The following FCHO2 variants were observed in gnomAD, a reference collection of about 807,000 sequenced individuals.
FCHO2 encodes F-BAR domain only protein 2.
A neutral mutation model predicts 114.1 loss-of-function variants in FCHO2; 43 were observed. The observed-to-expected ratio is 0.38, with a 90% confidence interval of 0.30 to 0.49. FCHO2 has a LOEUF of 0.49. Ranked by LOEUF, FCHO2 falls within the 20% of genes least tolerant of loss-of-function variation. The pLI is 0.97. For missense variants in FCHO2, 807 were observed against 950.4 expected (o/e 0.85, Z 1.98); for synonymous variants, 293 against 315.2 (o/e 0.93, Z 0.75).
At chr5:72,976,269 A>G (rs1279238782) in intron 2 of FCHO2, among the ~76,000 whole-genome samples, 1 of 152,082 alleles carries the variant, frequency 6.6e-6, no homozygotes, top group Admixed American at 6.6e-5. Flanking sequence ...TGTAGAGGCA[A>G]GGTCTTGCTA....
intron 6 of FCHO2, among the ~76,000 whole-genome samples, chr5:73,013,269 T>G (rs969052952): frequency 1.3e-5 from 2 of 152,192 alleles, no homozygotes; most frequent in Non-Finnish European, 2.9e-5. Flanking sequence ...GGATTTTTTT[T>G]TTTTTAGAGG....
intron 19 of FCHO2, among the ~76,000 whole-genome samples, chr5:73,071,872 G>A (rs1742673671): frequency 6.6e-6 from 1 of 151,934 alleles, no homozygotes; most frequent in South Asian, 2.1e-4. Context: ...GGGAAGCTAG[G>A]CATAATAATT....
At chr5:72,960,344 GTTT>G (rs1490236008) in intron 1 of FCHO2, among the ~76,000 whole-genome samples, 1 of 152,164 alleles carries the variant, frequency 6.6e-6, no homozygotes, top group Non-Finnish European at 1.5e-5. Flanking sequence ...CAGAACAGGT[GTTT>G]TGTTATTGAT....
At chr5:73,054,667 C>A in intron 15 of FCHO2, 118 bp downstream of exon 15, 1 of 676,436 alleles carries the variant, frequency 1.5e-6, no homozygotes, top group Non-Finnish European at 2.4e-6. Flanking sequence ...AGCCCTACTG[C>A]GTGGCTAGAA....
intron 2 of FCHO2, among the ~76,000 whole-genome samples, chr5:72,983,886 A>G (rs142031094): frequency 6.6e-6 from 1 of 151,778 alleles, no homozygotes; most frequent in African/African-American, 2.4e-5. Flanking sequence ...ATACATTTAT[A>G]TTGGGTATAT....
chr5:72,968,536 T>C lies in FCHO2; in HGVS notation c.72T>C (p.Asn24=). The change falls in exon 2 of 26, where the codon AAT becomes AAC. Residue 24 remains asparagine (N), a synonymous_variant. Transcript: ENST00000430046. ...KNSGFDVLYH[N]MKHGQISTKE... is the part of the protein sequence containing the mutation. Reference sequence around the variant, plus strand: ...GTGGCTTTGATGTCCTCTACCATAATATGAAACATGGACAGATATCAACAA... The same window carrying C: ...GTGGCTTTGATGTCCTCTACCATAACATGAAACATGGACAGATATCAACAA... 6.4e-7 allele frequency: 1 copy of C among 1,551,048 alleles called. No homozygotes were observed. The highest frequency in any genetic ancestry group is 8.6e-7 in the Non-Finnish European group (1 of 1,157,102).
chr5:72,997,566 C>G (rs1754187677), intron 5 of FCHO2: 3 of 1,323,224 alleles, frequency 2.3e-6, no homozygotes, highest in Non-Finnish European at 3.3e-6. Context: ...AACCTGCTCC[C>G]GATGCTGGAT....
chr5:72,971,756 T>C (rs1027609028), intron 2 of FCHO2, among the ~76,000 whole-genome samples: 12 of 152,220 alleles, frequency 7.9e-5, no homozygotes, highest in Non-Finnish European at 1.6e-4. Flanking sequence ...TTTGGTGTTT[T>C]AGACATGAAG....
intron 2 of FCHO2, among the ~76,000 whole-genome samples, chr5:72,975,876 T>G (rs1169016602): frequency 1.3e-5 from 2 of 151,352 alleles, no homozygotes; most frequent in African/African-American, 4.8e-5. Context: ...ACTGACTTAC[T>G]CAGGGACATC....
At chr5:73,010,875 CAAAAAAA>C (rs57820498) in intron 6 of FCHO2, among the ~76,000 whole-genome samples, 67 of 25,738 alleles carry the variant, frequency 2.6e-3, no homozygotes, top group Admixed American at 9.9e-3. Context: ...GACTCTGTCT[CAAAAAAA>C]AAAAAAAAAA....
chr5:72,986,516 C>T (rs986131640), intron 2 of FCHO2, among the ~76,000 whole-genome samples: 1 of 152,080 alleles, frequency 6.6e-6, no homozygotes, highest in Non-Finnish European at 1.5e-5. Context: ...GTCTGGATGC[C>T]CTTCTCTTGG....
At chr5:73,071,514 A>G (rs1374932307) in intron 19 of FCHO2, among the ~76,000 whole-genome samples, 2 of 152,050 alleles carry the variant, frequency 1.3e-5, no homozygotes, top group African/African-American at 2.4e-5. Context: ...CCTGTTACAT[A>G]CCTCAAGTTT....
Position 73,088,137 on chromosome 5 carries a change from T to C in FCHO2, c.*47T>C, listed in dbSNP as rs773911095. ...GCTTCAGGGATTACAAACCTGCCAT[T>C]CTGCATTATCTGTTCTTTCCAAACA... On this transcript the variant is annotated 3_prime_UTR_variant, in exon 26 of 26. Coordinates refer to ENST00000430046, the MANE Select transcript of FCHO2 (RefSeq NM_138782.3). The C allele has an allele frequency of 6.2e-7, 1 of 1,607,522 alleles. No individual in the cohort carries two copies. Among genetic ancestry groups the C allele is most frequent in the South Asian group, 1.1e-5 (1 of 89,794 alleles).
intron 22 of FCHO2, among the ~76,000 whole-genome samples, chr5:73,079,063 G>A (rs78458274): frequency 1.3e-3 from 198 of 152,192 alleles, no homozygotes; most frequent in Non-Finnish European, 1.9e-3. Context: ...TCATTTTCAC[G>A]TTTCTCTAGA....
intron 11 of FCHO2, among the ~76,000 whole-genome samples, chr5:73,048,907 C>T (rs972196504): frequency 7.0e-5 from 9 of 128,950 alleles, no homozygotes; most frequent in East Asian, 2.3e-4. Flanking sequence ...GACGGAGTCT[C>T]GCTCTGTCGC....
At chr5:72,989,179 C>T (rs1038928922) in intron 2 of FCHO2, among the ~76,000 whole-genome samples, 11 of 152,138 alleles carry the variant, frequency 7.2e-5, no homozygotes, top group Non-Finnish European at 1.6e-4. Context: ...CACTGTACTC[C>T]AGCCTGGGTG....
At chr5:72,997,040 C>G in intron 5 of FCHO2, 3 of 1,367,960 alleles carry the variant, frequency 2.2e-6, no homozygotes, top group South Asian at 1.2e-5. Flanking sequence ...CCAAACTGTT[C>G]GATATGATAT....
chr5:73,015,564 C>T (rs1448650618), intron 6 of FCHO2, 62 bp from the exon 7 acceptor site: 19 of 991,756 alleles, frequency 1.9e-5, no homozygotes, highest in Non-Finnish European at 2.5e-5. Context: ...CTTTTGATTC[C>T]AGAATATATA....
At chr5:73,068,872 T>C in intron 19 of FCHO2, 93 bp downstream of exon 19, 1 of 1,370,776 alleles carries the variant, frequency 7.3e-7, no homozygotes, top group South Asian at 1.7e-5. Flanking sequence ...TAATGAAGAA[T>C]TTAACATTAT....
Sources: allele counts gnomAD v4.1 joint callset (sites outside exome capture counted in the v4.1 genomes callset), GRCh38; gene constraint gnomAD v4.1.1; transcripts MANE v1.5; gene names NCBI Gene and HGNC (gene_info 2026-07-23, HGNC 2026-07-21).